The following ARHGAP18 variants were observed in gnomAD, a reference collection of about 807,000 sequenced individuals.
ARHGAP18 encodes the protein Rho GTPase activating protein 18, also known as rho GTPase-activating protein 18.
In ARHGAP18, 67 loss-of-function variants were observed where a neutral mutation model predicts 86.2. The ratio of observed to expected loss-of-function variants is 0.78; its 90% CI spans 0.64 to 0.95. The LOEUF is 0.95. Ranked by LOEUF, ARHGAP18 falls within the 40% of genes least tolerant of loss-of-function variation. ARHGAP18 has a pLI of 0.00. For synonymous variants in ARHGAP18, 283 were observed against 280.4 expected, an observed-to-expected ratio of 1.01 and a Z score of -0.09; for missense variants, 691 against 780.4, an observed-to-expected ratio of 0.89 and a Z score of 1.37.
intron 11 of ARHGAP18, among the ~76,000 whole-genome samples, chr6:129,600,013 A>C (rs563595925): frequency 1.3e-5 from 2 of 152,316 alleles, no homozygotes; most frequent in South Asian, 4.1e-4. Context: ...TTATAAAAAT[A>C]AAGACTTCAG....
At chr6:129,617,167 A>T (rs979239155) in intron 6 of ARHGAP18, among the ~76,000 whole-genome samples, 7 of 152,228 alleles carry the variant, frequency 4.6e-5, no homozygotes, top group African/African-American at 1.7e-4. Flanking sequence ...CCAGAAAAAA[A>T]TGATGGTAAT....
At chr6:129,683,836 C>A (rs1774373071) in intron 1 of ARHGAP18, among the ~76,000 whole-genome samples, 1 of 152,124 alleles carries the variant, frequency 6.6e-6, no homozygotes, top group Non-Finnish European at 1.5e-5. Context: ...GTGGGCATAC[C>A]TGGAAAGTAA....
chr6:129,654,615 C>A (rs1287026765), intron 1 of ARHGAP18, among the ~76,000 whole-genome samples: 2 of 152,174 alleles, frequency 1.3e-5, no homozygotes, highest in African/African-American at 4.8e-5. Context: ...TTCATGGCCT[C>A]AAGCGTTGCC....
intron 1 of ARHGAP18, among the ~76,000 whole-genome samples, chr6:129,675,666 A>G (rs943002061): frequency 6.6e-6 from 1 of 152,210 alleles, no homozygotes; most frequent in Non-Finnish European, 1.5e-5. Context: ...AAGAGCAAGG[A>G]AACAGCTGGG....
intron 12 of ARHGAP18, among the ~76,000 whole-genome samples, chr6:129,593,983 A>ATTATTATT (rs1788567098): frequency 6.6e-6 from 1 of 152,116 alleles, no homozygotes; most frequent in Admixed American, 6.6e-5. Context: ...AGCATACAAA[A>ATTATTATT]TTATTATTTT....
intron 5 of ARHGAP18, among the ~76,000 whole-genome samples, chr6:129,623,086 G>A (rs1027806557): frequency 1.3e-5 from 2 of 149,580 alleles, no homozygotes. Flanking sequence ...ATTCCCTTGT[G>A]TTACCATAAA....
chr6:129,692,575 C>T (rs573961807), intron 1 of ARHGAP18, among the ~76,000 whole-genome samples: 9 of 152,296 alleles, frequency 5.9e-5, no homozygotes, highest in African/African-American at 2.2e-4. Flanking sequence ...GAAAAGGCAG[C>T]ATGGGATGGC....
chr6:129,693,793 T>C (rs1054986426), intron 1 of ARHGAP18, among the ~76,000 whole-genome samples: 1 of 152,224 alleles, frequency 6.6e-6, no homozygotes. Flanking sequence ...ATGAGGATAA[T>C]AATTCTCATC....
chr6:129,669,637 T>A (rs1246969466), intron 1 of ARHGAP18, among the ~76,000 whole-genome samples: 1 of 151,690 alleles, frequency 6.6e-6, no homozygotes, highest in Non-Finnish European at 1.5e-5. Context: ...AATACAAAAT[T>A]AGCTGGGCAT....
chr6:129,580,453 T>C (rs1224626507), intron 13 of ARHGAP18, among the ~76,000 whole-genome samples: 1 of 152,214 alleles, frequency 6.6e-6, no homozygotes, highest in Non-Finnish European at 1.5e-5. Flanking sequence ...TTATCCACTT[T>C]GTATACAAGC....
chr6:129,592,503 G>C (rs148196190), intron 12 of ARHGAP18, among the ~76,000 whole-genome samples: 1 of 151,996 alleles, frequency 6.6e-6, no homozygotes, highest in African/African-American at 2.4e-5. Flanking sequence ...GCTCTCTAAA[G>C]CTTGAGTTCC....
chr6:129,594,321 T>C (rs1457705950), intron 12 of ARHGAP18, among the ~76,000 whole-genome samples: 1 of 152,214 alleles, frequency 6.6e-6, no homozygotes, highest in Non-Finnish European at 1.5e-5. Flanking sequence ...AAGCTCTTTT[T>C]ACTTACTTTA....
chr6:129,686,713 T>G (rs1774429757), intron 1 of ARHGAP18, among the ~76,000 whole-genome samples: 1 of 152,028 alleles, frequency 6.6e-6, no homozygotes, highest in Admixed American at 6.6e-5. Context: ...TTTGTCTTTC[T>G]CCAGATTGAT....
intron 12 of ARHGAP18, among the ~76,000 whole-genome samples, chr6:129,584,492 A>C (rs1215937916): frequency 3.9e-5 from 6 of 152,210 alleles, no homozygotes; most frequent in Non-Finnish European, 5.9e-5. Context: ...TGTACATTTG[A>C]AAAATCTTCC....
intron 1 of ARHGAP18, among the ~76,000 whole-genome samples, chr6:129,659,039 G>A (rs754420449): frequency 9.9e-5 from 15 of 152,084 alleles, no homozygotes; most frequent in Admixed American, 6.5e-4. Context: ...TTTAACCCAC[G>A]CAATATACAC....
chr6:129,631,105 CTCTTT>C (rs1486704041), intron 4 of ARHGAP18, among the ~76,000 whole-genome samples: 2 of 152,054 alleles, frequency 1.3e-5, no homozygotes, highest in African/African-American at 4.8e-5. Context: ...CTGGTTTATT[CTCTTT>C]TATGTTTTAC....
intron 14 of ARHGAP18, 117 bp downstream of exon 14, chr6:129,579,953 T>C: frequency 2.3e-6 from 2 of 872,176 alleles, no homozygotes; most frequent in Non-Finnish European, 3.6e-6. Context: ...CAGCAACTTA[T>C]CTAAAGCATG....
intron 2 of ARHGAP18, among the ~76,000 whole-genome samples, chr6:129,639,763 G>A (rs1438658407): frequency 6.6e-6 from 1 of 152,160 alleles, no homozygotes; most frequent in African/African-American, 2.4e-5. Context: ...AAGTCAGCAA[G>A]GCCGGGCATG....
chr6:129,679,538 T>A (rs1390517560), intron 1 of ARHGAP18, among the ~76,000 whole-genome samples: 1 of 152,254 alleles, frequency 6.6e-6, no homozygotes, highest in Non-Finnish European at 1.5e-5. Flanking sequence ...TTTATAGTTA[T>A]GTTGGGAATA....
Sources: gnomAD v4.1 joint callset for allele counts (sites outside exome capture counted in the v4.1 genomes callset) on GRCh38, gnomAD v4.1.1 for gene constraint, MANE v1.5 for transcripts, NCBI Gene and HGNC (gene_info 2026-07-23, HGNC 2026-07-21) for gene names.